Variants in ZNF536 observed in about 807,000 individuals in gnomAD.
ZNF536 encodes zinc finger protein 536.
ZNF536 carries 13 observed loss-of-function variants against 84.5 expected under a neutral mutation model. The ratio of observed to expected loss-of-function variants is 0.15; its 90% CI spans 0.10 to 0.24. The LOEUF (loss-of-function observed/expected upper bound fraction) is 0.24, where lower values mean the gene tolerates loss of function less well. Ranked by LOEUF, ZNF536 falls within the 10% of genes least tolerant of loss-of-function variation. The pLI, the probability that ZNF536 is intolerant of heterozygous loss-of-function variation, is 1.00. For missense variants in ZNF536, 1,536 were observed against 1,747.5 expected, an observed-to-expected ratio of 0.88 and a Z score of 2.16; for synonymous variants, 811 against 742.5, an observed-to-expected ratio of 1.09 and a Z score of -1.50.
chr19:30,294,484 A>C (rs16964067), intron 2 of ZNF536, among the ~76,000 whole-genome samples: 34,529 of 151,880 alleles, frequency 0.23, 4,761 homozygotes, highest in East Asian at 0.54. Flanking sequence ...ACAGTTAAAA[A>C]ATGTAAGTAT....
intron 2 of ZNF536, among the ~76,000 whole-genome samples, chr19:30,310,646 C>A (rs1210575825): frequency 1.3e-5 from 2 of 152,138 alleles, no homozygotes; most frequent in African/African-American, 4.8e-5. Flanking sequence ...TCCAGGCAAG[C>A]AGGTTTAAGA....
At chr19:30,249,568 A>G (rs2145045632) in intron 1 of ZNF536, among the ~76,000 whole-genome samples, 1 of 152,320 alleles carries the variant, frequency 6.6e-6, no homozygotes, top group East Asian at 1.9e-4. Flanking sequence ...AAAAAGGATC[A>G]CTTGAGCCTG....
chr19:30,425,639 A>G (rs1356817513), intron 1 of ZNF536, among the ~76,000 whole-genome samples: 2 of 152,112 alleles, frequency 1.3e-5, no homozygotes, highest in Non-Finnish European at 2.9e-5. Flanking sequence ...TCTTACTGAG[A>G]GTGTCTGAAC....
chr19:30,553,716 G>A (rs1379838471), intron 4 of ZNF536, among the ~76,000 whole-genome samples: 1 of 152,254 alleles, frequency 6.6e-6, no homozygotes, highest in Non-Finnish European at 1.5e-5. Flanking sequence ...TGTAATCCCA[G>A]CACTCTGGGA....
intron 2 of ZNF536, among the ~76,000 whole-genome samples, chr19:30,312,941 C>G (rs939077742): frequency 3.3e-5 from 5 of 152,236 alleles, no homozygotes; most frequent in African/African-American, 1.2e-4. Flanking sequence ...CTTTGCAGGG[C>G]AGGGCCTGCT....
chr19:30,548,483 G>A lies in ZNF536; in HGVS notation c.2864G>A (p.Gly955Asp), dbSNP rs980414825. The A allele has an allele frequency of 1.9e-6, 3 of 1,614,050 alleles. No individual in the cohort carries two copies. Among genetic ancestry groups the A allele is most frequent in the Admixed American group, 1.7e-5 (1 of 60,014 alleles). Residue 955 changes from glycine to aspartate, a missense_variant, in exon 4 of 5, where the codon GGT (glycine) becomes GAT (aspartate). By Grantham distance (94) the Gly-to-Asp change is moderately conservative. Around this residue, in one of 8 missense-constraint regions of ZNF536, gnomAD observed 624 missense variants for 603.1 expected, o/e 1.03. Transcript: ENST00000355537. ...ATGAAAGTCCACGGAGTGGATGGTG[G>A]TGAGGAGAAACCCAGTGGCAAGTCC... ...PSMKVHGVDG[G>D]EEKPSGKSSQ...
At chr19:30,496,533 G>A (rs1025062850) in intron 2 of ZNF536, among the ~76,000 whole-genome samples, 1 of 152,168 alleles carries the variant, frequency 6.6e-6, no homozygotes, top group Non-Finnish European at 1.5e-5. Context: ...ATCAGCAGAG[G>A]GAACTGCACA....
intron 1 of ZNF536, among the ~76,000 whole-genome samples, chr19:30,374,070 G>T (rs911092942): frequency 3.9e-5 from 6 of 152,184 alleles, no homozygotes; most frequent in Non-Finnish European, 7.3e-5. Flanking sequence ...TTTTTTAATG[G>T]TGATATAGGT....
At chr19:30,310,448 C>T (rs192243380) in intron 2 of ZNF536, among the ~76,000 whole-genome samples, 2 of 152,294 alleles carry the variant, frequency 1.3e-5, no homozygotes, top group East Asian at 1.9e-4. Flanking sequence ...CATGATGATG[C>T]GATCATCGGT....
intron 1 of ZNF536, among the ~76,000 whole-genome samples, chr19:30,252,040 A>G (rs148405435): frequency 0.016 from 2,385 of 152,330 alleles, 41 homozygotes; most frequent in Middle Eastern, 0.041. Context: ...CTCACAATCT[A>G]TACATCTGAC....
In ZNF536 at chr19:30,429,126, T is replaced by G. The variant is rs2051339804; in HGVS notation, c.-2-14435T>G. Among the ~76,000 whole-genome samples the G allele has an allele frequency of 2.0e-5, 3 of 152,220 alleles. No homozygotes were observed. In the South Asian group the frequency reaches 6.2e-4, roughly 32 times the overall value. Reference sequence around the variant, plus strand: ...GGATCCAGGCCCACTGATGTAGTGGTGGGGAGGCCGTTTGTCTTGGATCCT... The same window carrying G: ...GGATCCAGGCCCACTGATGTAGTGGGGGGGAGGCCGTTTGTCTTGGATCCT... On this transcript the variant is annotated intron_variant, in intron 1 of 4. Transcript: ENST00000355537.
chr19:30,297,910 C>T (rs865800252), intron 2 of ZNF536, among the ~76,000 whole-genome samples: 42 of 136,746 alleles, frequency 3.1e-4, no homozygotes, highest in East Asian at 1.7e-3. Context: ...GAGTCCCCCC[C>T]CCCTCTGTCG....
In ZNF536 at chr19:30,603,755, A is replaced by T. The variant is rs965048625; in HGVS notation, c.169+54241A>T. On this transcript the variant is annotated intron_variant, in intron 1 of 1. Coordinates refer to the ZNF536 transcript ENST00000592773. Reference sequence around the variant, plus strand: ...AAAAAAAGCACATGTGATTTGAAGCATCAACTTTGTTTCTAGAAATTAATA... The same window carrying T: ...AAAAAAAGCACATGTGATTTGAAGCTTCAACTTTGTTTCTAGAAATTAATA... 5.3e-5 allele frequency among the ~76,000 whole-genome samples: 8 copies of T among 152,322 alleles called. No homozygotes were observed. The East Asian group carries it at 9.6e-4, about 18-fold the overall frequency.
rs59889852 is a variant in ZNF536 at position 30,264,966 on chromosome 19, T to TGTGTGA, written c.-189-19105_-189-19104insTGTGAG. Among the ~76,000 whole-genome samples, 699 of 133,848 alleles carry TGTGTGA rather than the reference T, an allele frequency of 5.2e-3. 1 individual carries two copies. The highest frequency in any genetic ancestry group is 0.015 in the African/African-American group (523 of 33,792). The allele number at this position is 133,848 out of a possible 152,430, so 87.8% of individuals were successfully genotyped here. A position where few individuals can be genotyped will look rare whatever the true frequency, so the allele number is the denominator to read the frequency against. ...GTGTGTGTGTGTGTGTGTGTGTGTG[T>TGTGTGA]GAGAGAGAGAGAGAGAAAGAGAGAT... On this transcript the variant is annotated intron_variant, in intron 1 of 5. Coordinates refer to the ZNF536 transcript ENST00000585628.
At chr19:30,474,638 A>G (rs1555777347) in intron 2 of ZNF536, among the ~76,000 whole-genome samples, 1 of 151,972 alleles carries the variant, frequency 6.6e-6, no homozygotes, top group Non-Finnish European at 1.5e-5. Flanking sequence ...AGCAGTTTGG[A>G]TTTTCTCTTA....
At chr19:30,705,844 A>T (rs2052205596) in intron 1 of ZNF536, among the ~76,000 whole-genome samples, 1 of 152,252 alleles carries the variant, frequency 6.6e-6, no homozygotes, top group African/African-American at 2.4e-5. Flanking sequence ...AAACCAATTC[A>T]ATACTAATGT....
At chr19:30,482,764 G>A (rs79049352) in intron 2 of ZNF536, among the ~76,000 whole-genome samples, 3,980 of 152,216 alleles carry the variant, frequency 0.026, 123 homozygotes, top group East Asian at 0.085. Flanking sequence ...AGTTCTAATG[G>A]ACGGTCAGAG....
chr19:30,290,457 A>T (rs2045798155), intron 2 of ZNF536, among the ~76,000 whole-genome samples: 1 of 152,006 alleles, frequency 6.6e-6, no homozygotes, highest in South Asian at 2.1e-4. Flanking sequence ...TTTTTTGTAG[A>T]TATGGGATCT....
intron 1 of ZNF536, among the ~76,000 whole-genome samples, chr19:30,442,194 G>A (rs576349386): frequency 6.6e-6 from 1 of 152,222 alleles, no homozygotes; most frequent in African/African-American, 2.4e-5. Flanking sequence ...TCCCAGGCAG[G>A]GGTTCATTGC....
Sources: gnomAD v4.1 joint callset for allele counts (sites outside exome capture counted in the v4.1 genomes callset) on GRCh38, gnomAD v4.1.1 for gene constraint, gnomAD v4.1.1 regional missense constraint, MANE v1.5 for transcripts, NCBI Gene and HGNC (gene_info 2026-07-23, HGNC 2026-07-21) for gene names.